KLHL18: variants seen among roughly 807,000 people sequenced by gnomAD.
KLHL18 encodes kelch like family member 18, also known as kelch-like protein 18.
KLHL18 carries 38 observed loss-of-function variants against 58.5 expected under a neutral mutation model. That is an observed-to-expected ratio of 0.65 (90% CI 0.50 to 0.85). The LOEUF (loss-of-function observed/expected upper bound fraction) is 0.85, where lower values mean the gene tolerates loss of function less well. KLHL18 is among the 40% of genes least tolerant of loss of function. The probability of loss-of-function intolerance (pLI) is 0.00; values close to 1 mark genes in which losing one functional copy is unlikely to be tolerated. For missense variants in KLHL18, 624 were observed against 778.4 expected (o/e 0.80, Z 2.36); for synonymous variants, 303 against 301.9 (o/e 1.00, Z -0.04).
intron 2 of KLHL18, among the ~76,000 whole-genome samples, chr3:47,320,302 G>T (rs1703555994): frequency 6.6e-6 from 1 of 152,120 alleles, no homozygotes. Flanking sequence ...TGGGACTGAA[G>T]AACTGAATTT....
intron 1 of KLHL18, among the ~76,000 whole-genome samples, chr3:47,311,617 G>A (rs901519380): frequency 1.3e-5 from 2 of 152,122 alleles, no homozygotes; most frequent in East Asian, 3.9e-4. Flanking sequence ...ACTTGAACCC[G>A]AGAGGCGGAG....
In KLHL18 at chr3:47,329,933, T is replaced by C; in HGVS notation, c.402-18T>C. 6.2e-7 allele frequency: 1 copy of C among 1,611,204 alleles called. No individual in the cohort carries two copies. Among genetic ancestry groups the C allele is most frequent in the African/African-American group, 1.3e-5 (1 of 74,904 alleles). Reference sequence around the variant, plus strand: ...TCCTTTCTTCCTCTAATTTTTTTTTTCTTTCCTTATGCCAAAGGCTTCACC... The same window carrying C: ...TCCTTTCTTCCTCTAATTTTTTTTTCCTTTCCTTATGCCAAAGGCTTCACC... On this transcript the variant is annotated intron_variant, in intron 3 of 9. Coordinates refer to ENST00000232766, the MANE Select transcript of KLHL18 (RefSeq NM_025010.5).
At chr3:47,309,109 T>TC (rs1389331021) in intron 1 of KLHL18, among the ~76,000 whole-genome samples, 1 of 152,222 alleles carries the variant, frequency 6.6e-6, no homozygotes, top group African/African-American at 2.4e-5. Flanking sequence ...ATCAACAGCA[T>TC]CCCGAGGCAG....
Position 47,284,281 on chromosome 3 carries a change from A to C in KLHL18, c.129+1187A>C, listed in dbSNP as rs148121024. ...CACACACACACACACACAAATAAAT[A>C]AATAAAAGAAAAAATAAAACTATGC... On this transcript the variant is annotated intron_variant, in intron 1 of 9. Transcript: ENST00000232766. Among the ~76,000 whole-genome samples the C allele has an allele frequency of 5.0e-3, 760 of 152,060 alleles. 8 individuals carry two copies. The highest frequency in any genetic ancestry group is 0.017 in the African/African-American group (725 of 41,468).
chr3:47,300,928 C>A (rs1703012233), intron 1 of KLHL18, among the ~76,000 whole-genome samples: 1 of 152,112 alleles, frequency 6.6e-6, no homozygotes, highest in Non-Finnish European at 1.5e-5. Context: ...CATTGAGTCA[C>A]CACGCCCGGC....
chr3:47,330,842 C>T lies in KLHL18; in HGVS notation c.600+693C>T, dbSNP rs142537627. 6.6e-5 allele frequency among the ~76,000 whole-genome samples: 10 copies of T among 151,592 alleles called. No homozygotes were observed. The East Asian group carries it at 9.8e-4, about 15-fold the overall frequency. ...ATCTCCCAGGTTCAAGCAATTCTCC[C>T]GCATCAACCTCCTTGAGTAGCTGGG... On this transcript the variant is annotated intron_variant, in intron 4 of 9. Transcript: ENST00000232766.
chr3:47,319,542 G>A, intron 1 of KLHL18, 111 bp from the exon 2 acceptor site: 1 of 1,177,386 alleles, frequency 8.5e-7, no homozygotes, highest in Non-Finnish European at 1.2e-6. Context: ...TTTGCAGTGG[G>A]CAGTGGGGTA....
At chr3:47,290,779 A>C (rs372161551) in intron 1 of KLHL18, among the ~76,000 whole-genome samples, 1 of 152,146 alleles carries the variant, frequency 6.6e-6, no homozygotes, top group Admixed American at 6.5e-5. Context: ...GTCTCTTTCT[A>C]ATGAGCAATA....
chr3:47,317,907 A>G (rs1384050247), intron 1 of KLHL18, among the ~76,000 whole-genome samples: 2 of 152,116 alleles, frequency 1.3e-5, no homozygotes, highest in African/African-American at 4.8e-5. Context: ...TTGAGACTCC[A>G]TCCCAGGCAG....
At chr3:47,320,286 G>A (rs1047717181) in intron 2 of KLHL18, among the ~76,000 whole-genome samples, 1 of 152,098 alleles carries the variant, frequency 6.6e-6, no homozygotes, top group African/African-American at 2.4e-5. Flanking sequence ...CTCGAAATAC[G>A]ACTAGTGGGA....
chr3:47,338,144 A>G (rs954238451), intron 7 of KLHL18: 6 of 152,130 alleles, frequency 3.9e-5, no homozygotes, highest in African/African-American at 9.7e-5. Flanking sequence ...ACATCCTGCC[A>G]TCTTTCCTTC....
At chr3:47,330,214 T>C in intron 4 of KLHL18, 65 bp downstream of exon 4, 2 of 1,444,060 alleles carry the variant, frequency 1.4e-6, no homozygotes. Context: ...GTCATTGTTT[T>C]GTTTATGTAT....
chr3:47,319,525 C>T lies in KLHL18; in HGVS notation c.130-128C>T, dbSNP rs1052320147. ...TGGCCTCCATGCCCTGGGATGCCTT[C>T]ACCGCCTTTGCAGTGGGCAGTGGGG... is the stretch of plus-strand genomic sequence containing the variant. On this transcript the variant is annotated intron_variant, in intron 1 of 9. Transcript: ENST00000232766. 5.1e-6 allele frequency: 5 copies of T among 971,762 alleles called. No individual in the cohort carries two copies. The African/African-American group carries it at 8.2e-5, about 16-fold the overall frequency. The allele number at this position is 971,762 out of a possible 1,614,324, so 60.2% of individuals were successfully genotyped here.
intron 1 of KLHL18, among the ~76,000 whole-genome samples, chr3:47,307,918 C>A (rs1703187505): frequency 6.6e-6 from 1 of 152,108 alleles, no homozygotes; most frequent in South Asian, 2.1e-4. Flanking sequence ...GTTTCAGTAC[C>A]ACAATTTCCT....
At chr3:47,322,429 C>A in intron 2 of KLHL18, 139 bp from the exon 3 acceptor site, 1 of 658,394 alleles carries the variant, frequency 1.5e-6, no homozygotes, top group Non-Finnish European at 2.2e-6. Flanking sequence ...GAGTTTTAGG[C>A]TGTGGTGAAG....
At position 47,342,748 on chromosome 3, in the gene KLHL18, A is replaced by G; in HGVS notation, c.1256A>G (p.Asn419Ser). The change falls in exon 9 of 10, where the codon AAT (asparagine) becomes AGT (serine). Residue 419 changes from asparagine (N) to serine (S), a missense_variant. Coordinates refer to ENST00000232766, the MANE Select transcript of KLHL18 (RefSeq NM_025010.5). Reference sequence around the variant, plus strand: ...ACAGTGGTGACCTCGATGAGCTCGAATCGCAGTGCTGCTGGGGTTACAGTC... The same window carrying G: ...ACAGTGGTGACCTCGATGAGCTCGAGTCGCAGTGCTGCTGGGGTTACAGTC... ...KWTVVTSMSS[N>S]RSAAGVTVFE... 6.2e-7 allele frequency: 1 copy of G among 1,614,200 alleles called. No homozygotes were observed. Among genetic ancestry groups the G allele is most frequent in the Non-Finnish European group, 8.5e-7 (1 of 1,180,014 alleles).
At chr3:47,305,791 A>C (rs1703132968) in intron 1 of KLHL18, among the ~76,000 whole-genome samples, 1 of 152,144 alleles carries the variant, frequency 6.6e-6, no homozygotes, top group Non-Finnish European at 1.5e-5. Flanking sequence ...CTTGTTAATT[A>C]TAAGGCTTTT....
Position 47,297,845 on chromosome 3 carries a change from T to C in KLHL18, c.129+14751T>C, listed in dbSNP as rs146358302. On this transcript the variant is annotated intron_variant, in intron 1 of 9. Coordinates refer to ENST00000232766, the MANE Select transcript of KLHL18 (RefSeq NM_025010.5). The stretch of plus-strand genomic sequence containing the variant: ...ATATTCAGCCTGGATGGAGAGACAT[T>C]CATTAGGGACAATATAATGTGTGCT... Among the ~76,000 whole-genome samples, 779 of 152,268 alleles carry C rather than the reference T, an allele frequency of 5.1e-3. 9 individuals are homozygous for C. The highest frequency in any genetic ancestry group is 0.018 in the African/African-American group (731 of 41,546).
At chr3:47,288,828 G>A (rs2107574748) in intron 1 of KLHL18, among the ~76,000 whole-genome samples, 1 of 152,264 alleles carries the variant, frequency 6.6e-6, no homozygotes, top group East Asian at 1.9e-4. Flanking sequence ...AGACTTGTTG[G>A]CATAAGGCTT....
Sources: allele counts gnomAD v4.1 joint callset (sites outside exome capture counted in the v4.1 genomes callset), GRCh38; gene constraint gnomAD v4.1.1; transcripts MANE v1.5; gene names NCBI Gene and HGNC (gene_info 2026-07-23, HGNC 2026-07-21).